The following DMD variants were observed in gnomAD, a reference collection of about 807,000 sequenced individuals.
DMD encodes the protein mutant dystrophin.
A neutral mutation model predicts 330.1 loss-of-function variants in DMD; 63 were observed. The ratio of observed to expected loss-of-function variants is 0.19; its 90% confidence interval spans 0.16 to 0.24. The LOEUF (loss-of-function observed/expected upper bound fraction) is 0.24. Among genes scored for constraint, DMD ranks in the 10% least tolerant of loss-of-function variants. DMD has a pLI of 1.00. For missense variants in DMD, 3,344 were observed against 2,684.1 expected, an observed-to-expected ratio of 1.25 and a Z score of -5.43; for synonymous variants, 1,223 against 959.8, an observed-to-expected ratio of 1.27 and a Z score of -5.07.
chrX:32,870,980 A>AAAAAAAAAAAAG lies in DMD; in HGVS notation c.94-21161_94-21160insCTTTTTTTTTTT, dbSNP rs770375159. Among the ~76,000 whole-genome samples the AAAAAAAAAAAAG allele has an allele frequency of 3.0e-4, 11 of 37,236 alleles. 1 individual carries two copies. Among genetic ancestry groups the AAAAAAAAAAAAG allele is most frequent in the African/African-American group, 5.7e-4 (6 of 10,606 alleles). The allele number at this position is 37,236 out of a possible 115,157, so 32.3% of individuals were successfully genotyped here. The stretch of plus-strand genomic sequence containing the variant: ...CAGCAAAAAAAAAAAAAAAAAAAAA[A>AAAAAAAAAAAAG]AAAAAAAACCACAAAACCCATCATC... On this transcript the variant is annotated intron_variant, in intron 2 of 78. Coordinates refer to ENST00000357033, the MANE Select transcript of DMD (RefSeq NM_004006.3).
At chrX:33,119,253 C>T (rs758555505) in intron 1 of DMD, among the ~76,000 whole-genome samples, 13 of 110,973 alleles carry the variant, frequency 1.2e-4, no homozygotes, top group South Asian at 3.7e-4. Flanking sequence ...TATATATATA[C>T]ACACACACAC....
intron 12 of DMD, among the ~76,000 whole-genome samples, chrX:32,599,611 T>G (rs1035463955): frequency 9.1e-6 from 1 of 109,352 alleles, no homozygotes; most frequent in Non-Finnish European, 1.9e-5. Flanking sequence ...GATGCATCCC[T>G]AGAGAAGTAC....
intron 29 of DMD, among the ~76,000 whole-genome samples, chrX:32,420,230 G>A (rs988996643): frequency 4.5e-5 from 5 of 111,565 alleles, no homozygotes; most frequent in African/African-American, 1.3e-4. Context: ...TATTGATACA[G>A]GAAATAATTA....
intron 52 of DMD, among the ~76,000 whole-genome samples, chrX:31,720,039 G>C (rs775603032): frequency 9.0e-6 from 1 of 111,709 alleles, no homozygotes; most frequent in African/African-American, 3.3e-5. Flanking sequence ...GCTACTTTAG[G>C]ACACTAAGTT....
At chrX:32,639,179 T>A (rs5927093) in intron 11 of DMD, among the ~76,000 whole-genome samples, 17,616 of 111,510 alleles carry the variant, frequency 0.16, 2,399 homozygotes, top group African/African-American at 0.45. Context: ...TAACTTTGAG[T>A]CCTTATAAAA....
At chrX:32,913,506 A>AT (rs1163863624) in intron 2 of DMD, among the ~76,000 whole-genome samples, 1 of 112,208 alleles carries the variant, frequency 8.9e-6, no homozygotes, top group Non-Finnish European at 1.9e-5. Flanking sequence ...GGTATGAAAC[A>AT]TTCAGTAGCA....
chrX:32,558,938 C>CTTTTTTTTTTTTTTTTTTTTTTT lies in DMD; in HGVS notation c.1992+6741_1992+6763dup, dbSNP rs60739281. Among the ~76,000 whole-genome samples the CTTTTTTTTTTTTTTTTTTTTTTT allele has an allele frequency of 3.9e-5, 2 of 50,828 alleles. 1 individual carries two copies. Among genetic ancestry groups the CTTTTTTTTTTTTTTTTTTTTTTT allele is most frequent in the African/African-American group, 2.1e-4 (2 of 9,734 alleles). 44.1% of individuals were successfully genotyped at this position (50,828 alleles called of 115,157 possible). On this transcript the variant is annotated intron_variant, in intron 16 of 78. Transcript: ENST00000357033. ...TATTTGAGATGTAACTTCAAATTTT[C>CTTTTTTTTTTTTTTTTTTTTTTT]TTTTTTTTTTTTTTTTTTTTTTTTT... is the stretch of plus-strand genomic sequence containing the variant.
chrX:31,680,526 A>G (rs1339997540), intron 52 of DMD, among the ~76,000 whole-genome samples: 1 of 108,959 alleles, frequency 9.2e-6, no homozygotes, highest in Non-Finnish European at 1.9e-5. Flanking sequence ...ACGTGCCATC[A>G]TGCCCAGCTA....
chrX:32,531,860 TTTGA>T (rs1467031638), intron 17 of DMD, among the ~76,000 whole-genome samples: 7 of 111,978 alleles, frequency 6.3e-5, no homozygotes, highest in Admixed American at 5.7e-4. Context: ...TATATGAGAA[TTTGA>T]TTGAAGTCTC....
At chrX:31,177,664 T>C (rs1008973087) in intron 71 of DMD, among the ~76,000 whole-genome samples, 4 of 110,872 alleles carry the variant, frequency 3.6e-5, no homozygotes, top group African/African-American at 1.3e-4. Context: ...TGATTATAAT[T>C]TGAATTCAAG....
At chrX:32,710,798 G>A (rs1306997133) in intron 7 of DMD, among the ~76,000 whole-genome samples, 1 of 110,984 alleles carries the variant, frequency 9.0e-6, no homozygotes, top group African/African-American at 3.3e-5. Context: ...GGGTTTGAAA[G>A]ATTCAAGTGT....
At chrX:31,475,195 G>A (rs985395672) in intron 59 of DMD, among the ~76,000 whole-genome samples, 10 of 111,277 alleles carry the variant, frequency 9.0e-5, no homozygotes, top group Non-Finnish European at 1.3e-4. Context: ...ATAATTTTTC[G>A]AAAGGTATGT....
At chrX:32,851,989 G>A (rs945230471) in intron 2 of DMD, among the ~76,000 whole-genome samples, 1 of 111,173 alleles carries the variant, frequency 9.0e-6, no homozygotes, top group Non-Finnish European at 1.9e-5. Context: ...TACAAAAACT[G>A]CAATTCCTGG....
chrX:31,169,946 T>C (rs947568677), intron 73 of DMD, among the ~76,000 whole-genome samples: 3 of 112,345 alleles, frequency 2.7e-5, no homozygotes, highest in Non-Finnish European at 5.6e-5. Context: ...TATAATGCTT[T>C]GGCCACCAAG....
intron 43 of DMD, among the ~76,000 whole-genome samples, chrX:32,254,412 G>A (rs1458862188): frequency 8.9e-6 from 1 of 111,796 alleles, no homozygotes; most frequent in African/African-American, 3.2e-5. Context: ...GATAAGAAGT[G>A]GTTTTTGAAA....
chrX:31,688,729 T>C (rs1405952965), intron 52 of DMD, among the ~76,000 whole-genome samples: 1 of 111,354 alleles, frequency 9.0e-6, no homozygotes, highest in African/African-American at 3.3e-5. Context: ...AATAAAATAC[T>C]GGCAAACCGA....
intron 21 of DMD, among the ~76,000 whole-genome samples, chrX:32,478,428 T>C (rs926702590): frequency 9.0e-6 from 1 of 111,550 alleles, no homozygotes; most frequent in Non-Finnish European, 1.9e-5. Flanking sequence ...GCTCCAAACT[T>C]TATTAAATAA....
chrX:31,491,114 A>C (rs745821876), intron 57 of DMD, among the ~76,000 whole-genome samples: 3 of 112,441 alleles, frequency 2.7e-5, no homozygotes, highest in Non-Finnish European at 3.8e-5. Flanking sequence ...AAGGGATTAT[A>C]GAGATTTTTT....
chrX:31,370,912 C>G (rs978879664), intron 60 of DMD, among the ~76,000 whole-genome samples: 6 of 111,966 alleles, frequency 5.4e-5, no homozygotes, highest in African/African-American at 2.0e-4. Context: ...TTGAGTGAGT[C>G]AAGTCCATCC....
Sources: gnomAD v4.1 joint callset for allele counts (sites outside exome capture counted in the v4.1 genomes callset) on GRCh38, gnomAD v4.1.1 for gene constraint, MANE v1.5 for transcripts, NCBI Gene and HGNC (gene_info 2026-07-23, HGNC 2026-07-21) for gene names.